Variants in PRKDC observed in about 807,000 individuals in gnomAD.
PRKDC encodes the protein protein kinase, DNA-activated, catalytic subunit.
PRKDC carries 82 observed loss-of-function variants against 486.9 expected under a neutral mutation model. That is an observed-to-expected ratio of 0.17 (90% CI 0.14 to 0.20). PRKDC has a LOEUF of 0.20. Ranked by LOEUF, PRKDC falls within the 10% of genes least tolerant of loss-of-function variation. The pLI is 1.00. For missense variants in PRKDC, 4,504 were observed against 5,038.2 expected, an observed-to-expected ratio of 0.89 and a Z score of 3.21; for synonymous variants, 1,895 against 1,837.0, an observed-to-expected ratio of 1.03 and a Z score of -0.81.
At chr8:47,832,120 C>T (rs866000517) in intron 59 of PRKDC, among the ~76,000 whole-genome samples, 194 bp from the exon 60 acceptor site, 2 of 152,232 alleles carry the variant, frequency 1.3e-5, no homozygotes, top group East Asian at 1.9e-4. Context: ...GAGCGCTGAA[C>T]GGGCCAGGCC....
At position 47,831,825 on chromosome 8, in the gene PRKDC, T is replaced by G. The variant is rs1563757056; in HGVS notation, c.8254A>C (p.Lys2752Gln). Residue 2752 changes from lysine (K) to glutamine (Q), a missense_variant, in exon 60 of 86, where the codon AAA becomes CAA. By Grantham distance (53) the Lys-to-Gln change is moderately conservative. Coordinates refer to ENST00000314191, the MANE Select transcript of PRKDC (RefSeq NM_006904.7). Reference sequence around the variant, plus strand: ...GACAAGATACAAACCTTCTCTCGTTTTTGCTCAGCAACGCCTTTTCTGGCA... The same window carrying G: ...GACAAGATACAAACCTTCTCTCGTTGTTGCTCAGCAACGCCTTTTCTGGCA... ...MYARKGVAEQ[K>Q]REKEIKSELK... 6.2e-7 allele frequency: 1 copy of G among 1,613,970 alleles called. No individual in the cohort carries two copies. Among genetic ancestry groups the G allele is most frequent in the Non-Finnish European group, 8.5e-7 (1 of 1,179,822 alleles).
At chr8:47,943,904 T>A in intron 8 of PRKDC, 21 bp from the exon 9 acceptor site, 17 of 1,584,362 alleles carry the variant, frequency 1.1e-5, no homozygotes, top group Non-Finnish European at 1.5e-5. Flanking sequence ...AAAGAAAAAT[T>A]CACCATCAGT....
intron 10 of PRKDC, among the ~76,000 whole-genome samples, chr8:47,941,053 G>A (rs192767824): frequency 1.3e-5 from 2 of 151,214 alleles, no homozygotes; most frequent in African/African-American, 4.9e-5. Context: ...TTGCTTAAAC[G>A]CAGGAGGCAG....
chr8:47,826,903 C>T, intron 62 of PRKDC, 42 bp from the exon 63 acceptor site: 4 of 1,509,336 alleles, frequency 2.7e-6, no homozygotes, highest in Non-Finnish European at 3.6e-6. Context: ...GCTTGTGGTA[C>T]TTGGACCATG....
At chr8:47,874,604 A>G (rs1469391850) in intron 40 of PRKDC, among the ~76,000 whole-genome samples, 1 of 152,042 alleles carries the variant, frequency 6.6e-6, no homozygotes, top group African/African-American at 2.4e-5. Flanking sequence ...CTAAAAATAC[A>G]AAGAATTACC....
chr8:47,905,567 C>G (rs1475988768), intron 25 of PRKDC, among the ~76,000 whole-genome samples: 6 of 152,192 alleles, frequency 3.9e-5, no homozygotes, highest in Admixed American at 1.3e-4. Context: ...TGGTTCCCCA[C>G]AGCCTAACTG....
At chr8:47,857,953 C>A (rs1048682155) in intron 48 of PRKDC, among the ~76,000 whole-genome samples, 6 of 152,158 alleles carry the variant, frequency 3.9e-5, no homozygotes, top group African/African-American at 1.4e-4. Flanking sequence ...CTGGTCCAGA[C>A]CACACTCCCA....
chr8:47,872,821 C>T (rs1432080670), intron 40 of PRKDC, among the ~76,000 whole-genome samples: 1 of 152,088 alleles, frequency 6.6e-6, no homozygotes, highest in East Asian at 1.9e-4. Flanking sequence ...GTGAGACAGA[C>T]CATAATGCAA....
rs765074237 is a variant in PRKDC at position 47,879,517 on chromosome 8, T to C, written c.5209A>G (p.Asn1737Asp). The C allele has an allele frequency of 2.5e-6, 4 of 1,595,802 alleles. No individual in the cohort carries two copies. The highest frequency in any genetic ancestry group is 2.3e-5 in the East Asian group (1 of 44,370). Residue 1737 changes from asparagine (N) to aspartate (D), a missense_variant, in exon 39 of 86, where the codon AAT (asparagine) becomes GAT (aspartate). Physicochemically the swap from Asn to Asp is conservative, Grantham distance 23. Transcript: ENST00000314191. Reference protein sequence around the residue: ...REFPPGTPRFNNYVDCMKKFL... With the variant: ...REFPPGTPRFDNYVDCMKKFL... ...TTTTTCATGCAGTCCACATAATTATTGAACCGCGGAGTTCCTGGAGGAAAT... is the reference window on the plus strand; with the variant it reads ...TTTTTCATGCAGTCCACATAATTATCGAACCGCGGAGTTCCTGGAGGAAAT...
chr8:47,888,564 T>A lies in PRKDC; in HGVS notation c.4367A>T (p.Lys1456Ile). The change falls in exon 34 of 86, where the codon AAA (lysine) becomes ATA (isoleucine). Residue 1456 changes from lysine to isoleucine, a missense_variant. Transcript: ENST00000314191. ...CAGAAGCCCAGCTCTGTGAAGCTGT[T>A]TACAGGCAGACACAACAGCAGCCAG... ...SRLAAVVSACKQLHRAGLLHN... is the reference protein window; with the variant it reads ...SRLAAVVSACIQLHRAGLLHN... 6.3e-7 allele frequency: 1 copy of A among 1,584,886 alleles called. No homozygotes were observed. Among genetic ancestry groups the A allele is most frequent in the Non-Finnish European group, 8.6e-7 (1 of 1,164,854 alleles).
At chr8:47,885,654 A>T (rs1378819791) in intron 36 of PRKDC, among the ~76,000 whole-genome samples, 3 of 152,094 alleles carry the variant, frequency 2.0e-5, no homozygotes, top group African/African-American at 7.2e-5. Context: ...GCACTTCGGG[A>T]GGCCAAACTG....
At chr8:47,870,023 G>A (rs976238602) in intron 40 of PRKDC, among the ~76,000 whole-genome samples, 1 of 152,208 alleles carries the variant, frequency 6.6e-6, no homozygotes, top group African/African-American at 2.4e-5. Flanking sequence ...CAGTGGAATA[G>A]AGCACCAGGT....
At chr8:47,822,959 C>T (rs1431975260) in intron 64 of PRKDC, among the ~76,000 whole-genome samples, 1 of 152,154 alleles carries the variant, frequency 6.6e-6, no homozygotes, top group African/African-American at 2.4e-5. Flanking sequence ...TATGTGTCCC[C>T]ACCTAAACCT....
At chr8:47,912,635 C>A in intron 24 of PRKDC, 73 bp from the exon 25 acceptor site, 1 of 1,395,616 alleles carries the variant, frequency 7.2e-7, no homozygotes, top group Non-Finnish European at 9.5e-7. Flanking sequence ...AAATGTCACT[C>A]AATTTAGCCT....
intron 38 of PRKDC, 141 bp from the exon 39 acceptor site, chr8:47,879,799 T>G: frequency 1.6e-6 from 1 of 610,320 alleles, no homozygotes; most frequent in Non-Finnish European, 2.5e-6. Context: ...CTAAATTATA[T>G]TAAAAACCAA....
chr8:47,826,755 T>G lies in PRKDC; in HGVS notation c.8684A>C (p.Glu2895Ala). 1 of 1,612,850 alleles carries G rather than the reference T, an allele frequency of 6.2e-7. No homozygotes were observed. Among genetic ancestry groups the G allele is most frequent in the Non-Finnish European group, 8.5e-7 (1 of 1,179,600 alleles). The change falls in exon 63 of 86, where the codon GAG (glutamate) becomes GCG (alanine). Residue 2895 changes from glutamate (E) to alanine (A), a missense_variant. Around this residue, in one of 6 missense-constraint regions of PRKDC, gnomAD observed 1,592 missense variants for 1,724.6 expected, o/e 0.92. Transcript: ENST00000314191. Reference protein sequence around the residue: ...QQPVGIRLLEEALLRLLPAEL... With the variant: ...QQPVGIRLLEAALLRLLPAEL... Reference sequence around the variant, plus strand: ...AGCAGGCAGCAGGCGGAGCAGAGCCTCCTCTAGCAGGCGGATGCCCACGGG... The same window carrying G: ...AGCAGGCAGCAGGCGGAGCAGAGCCGCCTCTAGCAGGCGGATGCCCACGGG...
Position 47,914,057 on chromosome 8 carries a change from G to T in PRKDC, c.2625C>A (p.Ser875=). 1 of 1,492,138 alleles carries T rather than the reference G, an allele frequency of 6.7e-7. No individual in the cohort carries two copies. The highest frequency in any genetic ancestry group is 1.4e-5 in the South Asian group (1 of 69,492). 92.4% of individuals were successfully genotyped at this position (1,492,138 alleles called of 1,614,324 possible). A position where few individuals can be genotyped will look rare whatever the true frequency, so the allele number is the denominator to read the frequency against. ...CATAGCTCTTCATCATCTCATCTGAGGACGTGACTGTTAGAAAAGATTTAA... is the reference window on the plus strand; with the variant it reads ...CATAGCTCTTCATCATCTCATCTGATGACGTGACTGTTAGAAAAGATTTAA... ...QINKNLLTVT[S]SDEMMKSYVA... The change falls in exon 24 of 86, where the codon TCC becomes TCA. Residue 875 remains serine (S), a synonymous_variant. Coordinates refer to ENST00000314191, the MANE Select transcript of PRKDC (RefSeq NM_006904.7).
In PRKDC at chr8:47,785,222, T is replaced by C. The variant is rs2154497617; in HGVS notation, c.10998A>G (p.Leu3666=). The C allele has an allele frequency of 1.2e-6, 2 of 1,613,974 alleles. No homozygotes were observed. Among genetic ancestry groups the C allele is most frequent in the African/African-American group, 1.3e-5 (1 of 75,062 alleles). ...TTGAGTCTTTGTTCATTTTTAAAAGTAGCATGTTGGTAATGTCGTTGAAGT... is the reference window on the plus strand; with the variant it reads ...TTGAGTCTTTGTTCATTTTTAAAAGCAGCATGTTGGTAATGTCGTTGAAGT... ...LSDFNDITNM[L]LLKMNKDSKP... The change falls in exon 77 of 86, where the codon CTA becomes CTG. Residue 3666 remains leucine, a synonymous_variant. Coordinates refer to ENST00000314191, the MANE Select transcript of PRKDC (RefSeq NM_006904.7).
intron 78 of PRKDC, among the ~76,000 whole-genome samples, chr8:47,783,361 G>A (rs1471186761): frequency 2.0e-5 from 3 of 151,804 alleles, no homozygotes; most frequent in Non-Finnish European, 4.4e-5. Flanking sequence ...AGGCGGAGGT[G>A]GATGGATCAT....
Sources: allele counts gnomAD v4.1 joint callset (sites outside exome capture counted in the v4.1 genomes callset), GRCh38; gene constraint gnomAD v4.1.1; regional missense constraint gnomAD v4.1.1; transcripts MANE v1.5; gene names NCBI Gene and HGNC (gene_info 2026-07-23, HGNC 2026-07-21).